ATAD2B: variants seen among roughly 807,000 people sequenced by gnomAD.
ATAD2B encodes ATPase family AAA domain-containing protein 2B.
Under a neutral mutation model 167.6 loss-of-function variants are expected in ATAD2B, and 40 were observed. The observed-to-expected ratio is 0.24, with a 90% CI of 0.19 to 0.31. The LOEUF (loss-of-function observed/expected upper bound fraction) is 0.31, where lower values mean the gene tolerates loss of function less well. Among genes scored for constraint, ATAD2B ranks in the 10% least tolerant of loss-of-function variants. The probability of loss-of-function intolerance (pLI) is 1.00; values close to 1 mark genes in which losing one functional copy is unlikely to be tolerated. For missense variants in ATAD2B, 1,242 were observed against 1,757.2 expected, an observed-to-expected ratio of 0.71 and a Z score of 5.24; for synonymous variants, 579 against 596.5, an observed-to-expected ratio of 0.97 and a Z score of 0.43.
At chr2:23,773,068 CATT>C (rs1184775801) in intron 22 of ATAD2B, among the ~76,000 whole-genome samples, 1 of 152,118 alleles carries the variant, frequency 6.6e-6, no homozygotes, top group Non-Finnish European at 1.5e-5. Flanking sequence ...ATGTGCCTAT[CATT>C]ATAATTCTTT....
intron 17 of ATAD2B, among the ~76,000 whole-genome samples, chr2:23,818,419 T>C (rs186086868): frequency 1.7e-5 from 2 of 119,622 alleles, no homozygotes; most frequent in Admixed American, 1.6e-4. Flanking sequence ...ATAAAACAAA[T>C]CTGTAAAATG....
At chr2:23,784,627 T>G (rs957456774) in intron 21 of ATAD2B, among the ~76,000 whole-genome samples, 3 of 152,118 alleles carry the variant, frequency 2.0e-5, no homozygotes, top group Non-Finnish European at 4.4e-5. Flanking sequence ...GGAAGTTGAG[T>G]TGGGGGCAAG....
chr2:23,745,296 A>AGCAC (rs1478556731), downstream of ATAD2B, among the ~76,000 whole-genome samples: 2 of 151,912 alleles, frequency 1.3e-5, no homozygotes, highest in Admixed American at 6.6e-5. Flanking sequence ...CAAGCAAGCA[A>AGCAC]GCACGCACGC....
chr2:23,817,570 C>G (rs1686646464), intron 17 of ATAD2B, among the ~76,000 whole-genome samples: 1 of 152,138 alleles, frequency 6.6e-6, no homozygotes, highest in South Asian at 2.1e-4. Context: ...TTTGTCACCC[C>G]CAACCATGAG....
intron 22 of ATAD2B, among the ~76,000 whole-genome samples, chr2:23,776,518 G>T (rs527344132): frequency 2.0e-5 from 3 of 152,162 alleles, no homozygotes; most frequent in African/African-American, 7.2e-5. Flanking sequence ...CTCAATAAAC[G>T]TTGAGTCAGT....
intron 13 of ATAD2B, among the ~76,000 whole-genome samples, chr2:23,851,593 G>T (rs1191598752): frequency 6.6e-6 from 1 of 152,070 alleles, no homozygotes; most frequent in Non-Finnish European, 1.5e-5. Context: ...TTCAACTGAT[G>T]AACCTACAAT....
chr2:23,913,143 T>C (rs904102029), intron 1 of ATAD2B, among the ~76,000 whole-genome samples: 7 of 152,182 alleles, frequency 4.6e-5, no homozygotes, highest in African/African-American at 1.7e-4. Flanking sequence ...ACAGAAAATA[T>C]ACATTTTTCC....
At chr2:23,904,549 T>TC (rs1237027452) in intron 1 of ATAD2B, among the ~76,000 whole-genome samples, 1 of 150,604 alleles carries the variant, frequency 6.6e-6, no homozygotes, top group African/African-American at 2.4e-5. Flanking sequence ...TTTTTTTTTT[T>TC]TTTTTCTTTA....
At chr2:23,855,543 G>A (rs1258259284) in intron 13 of ATAD2B, among the ~76,000 whole-genome samples, 4 of 152,110 alleles carry the variant, frequency 2.6e-5, no homozygotes, top group Non-Finnish European at 5.9e-5. Context: ...TGTTACCTTA[G>A]AAACTTAAAC....
chr2:23,924,598 C>T (rs900101490), intron 1 of ATAD2B, among the ~76,000 whole-genome samples: 2 of 152,192 alleles, frequency 1.3e-5, no homozygotes, highest in African/African-American at 4.8e-5. Context: ...TCAGAGAAAG[C>T]AATTAGATGA....
At position 23,797,041 on chromosome 2, in the gene ATAD2B, T is replaced by A. The variant is rs544364084; in HGVS notation, c.2640+1097A>T. On this transcript the variant is annotated intron_variant, in intron 19 of 27. Coordinates refer to ENST00000238789, the MANE Select transcript of ATAD2B (RefSeq NM_017552.4). ...AATCAAAAATGAATTACTCTACATT[T>A]AATATATTTTCCTTACAAAAAGCAG... is the stretch of plus-strand genomic sequence containing the variant. Among the ~76,000 whole-genome samples the A allele has an allele frequency of 7.9e-5, 12 of 152,296 alleles. No homozygotes were observed. The South Asian group carries it at 2.5e-3, about 32-fold the overall frequency.
chr2:23,821,477 C>T (rs1302769187), intron 16 of ATAD2B, among the ~76,000 whole-genome samples: 1 of 152,144 alleles, frequency 6.6e-6, no homozygotes, highest in Non-Finnish European at 1.5e-5. Flanking sequence ...CCTCTGTCTG[C>T]CAAATTTAAG....
chr2:23,891,427 A>AT (rs921410987), intron 2 of ATAD2B, among the ~76,000 whole-genome samples: 1 of 152,026 alleles, frequency 6.6e-6, no homozygotes, highest in Non-Finnish European at 1.5e-5. Flanking sequence ...GTGGGTAGCT[A>AT]TTTTTTGAAA....
chr2:23,693,212 C>T, the ATAD2B span: 1 of 1,500,844 alleles, frequency 6.7e-7, no homozygotes, highest in African/African-American at 1.4e-5. Flanking sequence ...GCAATGGGAA[C>T]AGGTGGCAAC....
intron 7 of ATAD2B, among the ~76,000 whole-genome samples, chr2:23,876,266 A>G (rs1359669372): frequency 6.6e-6 from 1 of 150,394 alleles, no homozygotes; most frequent in African/African-American, 2.4e-5. Flanking sequence ...TGCTGGGATT[A>G]CAGGCATGAG....
intron 1 of ATAD2B, among the ~76,000 whole-genome samples, chr2:23,920,327 C>A (rs1703729121): frequency 6.6e-6 from 1 of 152,162 alleles, no homozygotes; most frequent in African/African-American, 2.4e-5. Flanking sequence ...GTATCCATGC[C>A]ATTCATTTAG....
rs2149287390 is a variant in ATAD2B, at chr2:23,750,074, G to A, written c.*1972C>T. ...TTCCATCAAAATACAAAATGCTAAT[G>A]TATTAGACAATAAAATAGTTTGAAT... On this transcript the variant is annotated 3_prime_UTR_variant, in exon 28 of 28. Coordinates refer to ENST00000238789, the MANE Select transcript of ATAD2B (RefSeq NM_017552.4). The A allele has an allele frequency of 6.6e-6, 1 of 152,168 alleles. No individual in the cohort carries two copies. Among genetic ancestry groups the A allele is most frequent in the Non-Finnish European group, 1.5e-5 (1 of 67,994 alleles). The allele number at this position is 152,168 out of a possible 1,614,324, so 9.4% of individuals were successfully genotyped here. A position where few individuals can be genotyped will look rare whatever the true frequency, so the allele number is the denominator to read the frequency against.
chr2:23,771,758 AG>A lies in ATAD2B; in HGVS notation c.3134-6131del, dbSNP rs1367235604. ...TATTGCGGCCCCTGTGTGAACTTTA[AG>A]GAATATTCCCTCTCCTTCTCTGGCC... is the stretch of plus-strand genomic sequence containing the variant. On this transcript the variant is annotated intron_variant, in intron 22 of 27. Coordinates refer to ENST00000238789, the MANE Select transcript of ATAD2B (RefSeq NM_017552.4). 3.3e-5 allele frequency among the ~76,000 whole-genome samples: 5 copies of A among 152,236 alleles called. No homozygotes were observed. The South Asian group carries it at 1.0e-3, about 32-fold the overall frequency.
chr2:23,681,637 C>T, the ATAD2B span, among the ~76,000 whole-genome samples: 1 of 152,106 alleles, frequency 6.6e-6, no homozygotes, highest in African/African-American at 2.4e-5. The surrounding 1 kb of genome is among the most constrained non-coding windows in gnomAD (Gnocchi z 4.2). Flanking sequence ...GTGTCTCTGC[C>T]CTTCTGTGCT....
Sources: allele counts gnomAD v4.1 joint callset (sites outside exome capture counted in the v4.1 genomes callset), GRCh38; gene constraint gnomAD v4.1.1; non-coding constraint Gnocchi (gnomAD v3.1); transcripts MANE v1.5; gene names NCBI Gene and HGNC (gene_info 2026-07-23, HGNC 2026-07-21).